SEMA5A: variants seen among roughly 807,000 people sequenced by gnomAD.
SEMA5A encodes semaphorin-5A.
In SEMA5A, 55 loss-of-function variants were observed where a neutral mutation model predicts 135.5. The observed-to-expected ratio is 0.41, with a 90% CI of 0.33 to 0.51. The LOEUF (loss-of-function observed/expected upper bound fraction) is 0.51, where lower values mean the gene tolerates loss of function less well. SEMA5A is among the 20% of genes least tolerant of loss of function. SEMA5A has a pLI of 0.37. For synonymous variants in SEMA5A, 580 were observed against 546.5 expected, an observed-to-expected ratio of 1.06 and a Z score of -0.85; for missense variants, 1,290 against 1,419.9, an observed-to-expected ratio of 0.91 and a Z score of 1.47.
At chr5:9,357,597 C>G (rs930824036) in intron 3 of SEMA5A, among the ~76,000 whole-genome samples, 1 of 152,146 alleles carries the variant, frequency 6.6e-6, no homozygotes, top group Non-Finnish European at 1.5e-5. Flanking sequence ...ACTGCAAACT[C>G]TGGGAATAGA....
At chr5:9,527,027 A>G (rs961473146) in intron 1 of SEMA5A, among the ~76,000 whole-genome samples, 1 of 152,130 alleles carries the variant, frequency 6.6e-6, no homozygotes, top group African/African-American at 2.4e-5. Flanking sequence ...CCACCTGGGT[A>G]TGGTAAGGGG....
intron 3 of SEMA5A, among the ~76,000 whole-genome samples, chr5:9,354,895 C>T (rs1431097054): frequency 6.6e-6 from 1 of 152,048 alleles, no homozygotes; most frequent in African/African-American, 2.4e-5. Context: ...TGGGGAAAGG[C>T]CCTAAGCTGA....
intron 20 of SEMA5A, among the ~76,000 whole-genome samples, chr5:9,051,201 G>A (rs867467567): frequency 7.2e-5 from 11 of 152,286 alleles, no homozygotes; most frequent in Middle Eastern, 3.4e-3. Flanking sequence ...TTGCACAGAC[G>A]AAAGAAAACA....
chr5:9,127,632 T>A (rs1404086368), intron 13 of SEMA5A, among the ~76,000 whole-genome samples: 1 of 152,222 alleles, frequency 6.6e-6, no homozygotes, highest in Admixed American at 6.5e-5. Flanking sequence ...TTTGCACATA[T>A]GTCCCTTTCA....
chr5:9,525,129 G>A (rs182456863), intron 1 of SEMA5A, among the ~76,000 whole-genome samples: 39 of 152,254 alleles, frequency 2.6e-4, no homozygotes, highest in Non-Finnish European at 5.0e-4. Flanking sequence ...GCCAAATCTG[G>A]CCCACTGCTT....
In SEMA5A at chr5:9,462,781, C is replaced by T. The variant is rs564387624; in HGVS notation, c.-174-24929G>A. On this transcript the variant is annotated intron_variant, in intron 1 of 22. Coordinates refer to ENST00000382496, the MANE Select transcript of SEMA5A (RefSeq NM_003966.3). ...ATAAGTGGGAGCTAAATAGTGAGAA[C>T]ACATGGACACAAAGAGAAGAATAAC... Among the ~76,000 whole-genome samples the T allele has an allele frequency of 3.3e-5, 5 of 152,018 alleles. No individual in the cohort carries two copies. The South Asian group carries it at 8.3e-4, about 25-fold the overall frequency.
chr5:9,532,525 T>C (rs1439852152), intron 1 of SEMA5A, among the ~76,000 whole-genome samples: 1 of 150,690 alleles, frequency 6.6e-6, no homozygotes, highest in East Asian at 2.0e-4. Flanking sequence ...TGACCTCAGG[T>C]GGTCCACCCA....
At chr5:9,314,148 T>C (rs1354165893) in intron 5 of SEMA5A, among the ~76,000 whole-genome samples, 1 of 152,130 alleles carries the variant, frequency 6.6e-6, no homozygotes, top group Non-Finnish European at 1.5e-5. Flanking sequence ...AGGAGAAAAA[T>C]ATTAACCTGA....
intron 16 of SEMA5A, among the ~76,000 whole-genome samples, chr5:9,094,296 T>G (rs1271150784): frequency 8.2e-6 from 1 of 122,418 alleles, no homozygotes; most frequent in Non-Finnish European, 1.6e-5. Flanking sequence ...TTTCTTTTCT[T>G]CCACATGCAA....
intron 12 of SEMA5A, among the ~76,000 whole-genome samples, chr5:9,150,809 AG>A (rs1209677023): frequency 3.3e-5 from 5 of 152,194 alleles, no homozygotes; most frequent in Non-Finnish European, 7.3e-5. Context: ...GCTAACGGGA[AG>A]GGGGTTGAGC....
At chr5:9,241,190 A>G (rs1291984824) in intron 5 of SEMA5A, among the ~76,000 whole-genome samples, 2 of 152,122 alleles carry the variant, frequency 1.3e-5, no homozygotes, top group Non-Finnish European at 2.9e-5. Context: ...TGTTTGCAGT[A>G]AGTTTTTTTC....
intron 11 of SEMA5A, among the ~76,000 whole-genome samples, chr5:9,164,021 TATAA>T (rs889444433): frequency 1.4e-5 from 2 of 143,584 alleles, no homozygotes; most frequent in African/African-American, 5.1e-5. Context: ...ATATTTATAA[TATAA>T]ATATTTATAT....
At chr5:9,385,637 A>C (rs1008637136) in intron 2 of SEMA5A, among the ~76,000 whole-genome samples, 1 of 152,118 alleles carries the variant, frequency 6.6e-6, no homozygotes, top group African/African-American at 2.4e-5. Context: ...ATGTCTCAGG[A>C]AGTCCTGTCC....
chr5:9,379,187 C>T (rs1241914636), intron 3 of SEMA5A, among the ~76,000 whole-genome samples: 2 of 152,140 alleles, frequency 1.3e-5, no homozygotes, highest in Admixed American at 6.5e-5. Flanking sequence ...AATACAATGT[C>T]TCATTCATCA....
At chr5:9,342,156 C>G (rs946663968) in intron 3 of SEMA5A, among the ~76,000 whole-genome samples, 2 of 151,780 alleles carry the variant, frequency 1.3e-5, no homozygotes, top group African/African-American at 4.8e-5. Flanking sequence ...AAAAGCTACT[C>G]TTTTAAAAAA....
intron 5 of SEMA5A, among the ~76,000 whole-genome samples, chr5:9,271,347 A>T (rs572482065): frequency 5.3e-5 from 8 of 152,288 alleles, no homozygotes; most frequent in African/African-American, 1.9e-4. Flanking sequence ...ATTCTCAGGT[A>T]GTTCTTTATA....
intron 8 of SEMA5A, among the ~76,000 whole-genome samples, chr5:9,213,127 G>T (rs952876510): frequency 6.6e-6 from 1 of 152,128 alleles, no homozygotes; most frequent in East Asian, 1.9e-4. Context: ...ATTCATGAGG[G>T]ACTCCACCTT....
chr5:9,377,705 A>G (rs1232963839), intron 3 of SEMA5A, among the ~76,000 whole-genome samples: 1 of 152,212 alleles, frequency 6.6e-6, no homozygotes, highest in Non-Finnish European at 1.5e-5. Context: ...CAAGGAAGAA[A>G]TAGACACTAA....
At chr5:9,314,594 A>G (rs540747975) in intron 5 of SEMA5A, among the ~76,000 whole-genome samples, 4 of 152,032 alleles carry the variant, frequency 2.6e-5, no homozygotes, top group East Asian at 1.9e-4. Flanking sequence ...CCCTTTGTCT[A>G]CCAGTGTGCT....
Sources: gnomAD v4.1 joint callset for allele counts (sites outside exome capture counted in the v4.1 genomes callset) on GRCh38, gnomAD v4.1.1 for gene constraint, MANE v1.5 for transcripts, NCBI Gene and HGNC (gene_info 2026-07-23, HGNC 2026-07-21) for gene names.